Variants in XXYLT1 observed in about 807,000 individuals in gnomAD.
XXYLT1 encodes xyloside xylosyltransferase 1, also known as UDP-xylose:alpha-xyloside alpha-1,3-xylosyltransferase.
XXYLT1 carries 20 observed loss-of-function variants against 28.9 expected under a neutral mutation model. The ratio of observed to expected loss-of-function variants is 0.69; its 90% CI spans 0.49 to 1.00. The LOEUF (loss-of-function observed/expected upper bound fraction) is 1.00, where lower values mean the gene tolerates loss of function less well. Among genes scored for constraint, XXYLT1 ranks in the 50% least tolerant of loss-of-function variants. The pLI is 0.00. For synonymous variants in XXYLT1, 257 were observed against 253.8 expected, an observed-to-expected ratio of 1.01 and a Z score of -0.12; for missense variants, 542 against 560.1, an observed-to-expected ratio of 0.97 and a Z score of 0.33.
At chr3:195,147,865 G>C (rs1373744205) in intron 3 of XXYLT1, 1 of 152,272 alleles carries the variant, frequency 6.6e-6, no homozygotes, top group East Asian at 1.9e-4. Flanking sequence ...AGACACCTGT[G>C]TCAGGCACGA....
intron 1 of XXYLT1, among the ~76,000 whole-genome samples, chr3:195,266,814 G>A (rs1182176618): frequency 6.6e-6 from 1 of 152,160 alleles, no homozygotes; most frequent in Non-Finnish European, 1.5e-5. Context: ...CCACAGGCTG[G>A]GGTGGGGCCC....
At chr3:195,252,725 CACAGAGAGAG>C (rs1249755779) in intron 1 of XXYLT1, among the ~76,000 whole-genome samples, 1 of 129,040 alleles carries the variant, frequency 7.7e-6, no homozygotes, top group Non-Finnish European at 1.7e-5. Context: ...CACACACACA[CACAGAGAGAG>C]AGAGAGAGAG....
chr3:195,081,197 C>A (rs78818531), intron 3 of XXYLT1, among the ~76,000 whole-genome samples: 6,723 of 151,066 alleles, frequency 0.045, 224 homozygotes, highest in East Asian at 0.19. Context: ...ATCGCTAACG[C>A]TGCTGGTCCA....
rs774827660 is a variant in XXYLT1, at chr3:195,252,692, CCACACA to C, written c.504+17857_504+17862del. 3.8e-3 allele frequency among the ~76,000 whole-genome samples: 318 copies of C among 84,196 alleles called. 4 individuals carry two copies. The highest frequency in any genetic ancestry group is 6.9e-3 in the African/African-American group (154 of 22,194). The allele number at this position is 84,196 out of a possible 152,430, so 55.2% of individuals were successfully genotyped here. ...GAACAATTCAAAAGAAGAAAAAAAA[CCACACA>C]CACACACACACACACACACACACAC... is the stretch of plus-strand genomic sequence containing the variant. On this transcript the variant is annotated intron_variant, in intron 1 of 3. Coordinates refer to ENST00000310380, the MANE Select transcript of XXYLT1 (RefSeq NM_152531.5).
At chr3:195,270,507 G>C in intron 1 of XXYLT1, 48 bp downstream of exon 1, 1 of 1,359,004 alleles carries the variant, frequency 7.4e-7, no homozygotes, top group Non-Finnish European at 9.4e-7. Context: ...ACCTCGCCTA[G>C]GATGGGGTGG....
chr3:195,155,534 C>CTTT (rs59329078), intron 3 of XXYLT1, among the ~76,000 whole-genome samples: 26 of 145,716 alleles, frequency 1.8e-4, no homozygotes, highest in African/African-American at 3.8e-4. Context: ...TGTTCCTTTC[C>CTTT]TTTTTTTTTT....
chr3:195,142,287 AT>A (rs2108648565), intron 3 of XXYLT1, among the ~76,000 whole-genome samples: 1 of 152,264 alleles, frequency 6.6e-6, no homozygotes, highest in Non-Finnish European at 1.5e-5. Context: ...AATGGTAACT[AT>A]TTCTCATGAT....
chr3:195,245,681 C>T (rs150601632), intron 1 of XXYLT1, among the ~76,000 whole-genome samples: 302 of 152,222 alleles, frequency 2.0e-3, no homozygotes, highest in African/African-American at 7.1e-3. Context: ...CGGACTGGGG[C>T]CTGGTGGGAG....
intron 1 of XXYLT1, among the ~76,000 whole-genome samples, chr3:195,229,688 G>C (rs1173097463): frequency 6.6e-6 from 1 of 152,172 alleles, no homozygotes; most frequent in Non-Finnish European, 1.5e-5. Flanking sequence ...ACGATCTCCG[G>C]TTCCATCACT....
chr3:195,213,922 C>CA (rs1486959793), intron 2 of XXYLT1, among the ~76,000 whole-genome samples: 4 of 152,146 alleles, frequency 2.6e-5, no homozygotes, highest in Admixed American at 1.3e-4. Context: ...TGTTAGGAGT[C>CA]ACGAGGGGTT....
At position 195,173,404 on chromosome 3, in the gene XXYLT1, T is replaced by C. The variant is rs7653312; in HGVS notation, c.653-16823A>G. ...GCTCCTGGCCTCATTCTCCTTTGTG[T>C]TGTTACCTAGGAGGTGCTCGACACT... is the stretch of plus-strand genomic sequence containing the variant. On this transcript the variant is annotated intron_variant, in intron 2 of 3. Coordinates refer to ENST00000310380, the MANE Select transcript of XXYLT1 (RefSeq NM_152531.5). The surrounding 1 kb of genome is among the most constrained non-coding windows in gnomAD (Gnocchi z 4.3). 0.18 allele frequency among the ~76,000 whole-genome samples: 28,120 copies of C among 152,156 alleles called. 3,723 individuals carry two copies. Among genetic ancestry groups the C allele is most frequent in the African/African-American group, 0.36 (15,119 of 41,478 alleles).
chr3:195,149,672 C>G (rs547447088), intron 3 of XXYLT1, among the ~76,000 whole-genome samples: 1 of 152,210 alleles, frequency 6.6e-6, no homozygotes, highest in South Asian at 2.1e-4. Context: ...CTTTGATCCC[C>G]TGGTTTCCAA....
chr3:195,202,954 A>G (rs1722921394), intron 2 of XXYLT1, among the ~76,000 whole-genome samples: 1 of 152,112 alleles, frequency 6.6e-6, no homozygotes, highest in African/African-American at 2.4e-5. Context: ...AAGTCACAAG[A>G]TAGACCTGAC....
At position 195,250,519 on chromosome 3, in the gene XXYLT1, G is replaced by A. The variant is rs150145653; in HGVS notation, c.504+20036C>T. On this transcript the variant is annotated intron_variant, in intron 1 of 3. Transcript: ENST00000310380. ...GCAGAGGTTGCAGTCAGCAGAGATC[G>A]CGCCACTGCACTCCAGCCTGGGCGG... Among the ~76,000 whole-genome samples the A allele has an allele frequency of 6.0e-5, 9 of 150,100 alleles. No individual in the cohort carries two copies. The South Asian group carries it at 1.1e-3, about 18-fold the overall frequency.
rs899877077 is a variant in XXYLT1 at position 195,101,985 on chromosome 3, C to G, written c.786-31874G>C. Among the ~76,000 whole-genome samples the G allele has an allele frequency of 2.3e-3, 56 of 24,542 alleles. 1 individual carries two copies. The highest frequency in any genetic ancestry group is 2.8e-3 in the Non-Finnish European group (38 of 13,632). The allele number at this position is 24,542 out of a possible 152,430, so 16.1% of individuals were successfully genotyped here. A position where few individuals can be genotyped will look rare whatever the true frequency, so the allele number is the denominator to read the frequency against. On this transcript the variant is annotated intron_variant, in intron 3 of 3. Coordinates refer to ENST00000310380, the MANE Select transcript of XXYLT1 (RefSeq NM_152531.5). ...GGAGGGGACGGGGGAGGGAGGGATG[C>G]GGGGAGGGAGGACAGAAAGAAAGTA...
Position 195,228,724 on chromosome 3 carries a change from G to C in XXYLT1, c.505-1868C>G, listed in dbSNP as rs1577172675. Reference sequence around the variant, plus strand: ...AGGATGGTCTCGATCTCCTGACCTCGTGATGCGCCCGCCTCGGCCTCCCAA... The same window carrying C: ...AGGATGGTCTCGATCTCCTGACCTCCTGATGCGCCCGCCTCGGCCTCCCAA... On this transcript the variant is annotated intron_variant, in intron 1 of 3. Transcript: ENST00000310380. 2.0e-5 allele frequency among the ~76,000 whole-genome samples: 3 copies of C among 151,534 alleles called. No homozygotes were observed. The South Asian group carries it at 6.2e-4, about 32-fold the overall frequency.
intron 2 of XXYLT1, among the ~76,000 whole-genome samples, chr3:195,159,495 G>A (rs1720762169): frequency 6.6e-6 from 1 of 152,192 alleles, no homozygotes; most frequent in Non-Finnish European, 1.5e-5. Context: ...ATTGTGTAAT[G>A]GACCAAAGGG....
At chr3:195,230,934 A>T (rs1287093038) in intron 1 of XXYLT1, among the ~76,000 whole-genome samples, 2 of 151,962 alleles carry the variant, frequency 1.3e-5, no homozygotes, top group Non-Finnish European at 2.9e-5. Flanking sequence ...TGGTATTTTG[A>T]TTGGGATTGC....
intron 3 of XXYLT1, among the ~76,000 whole-genome samples, chr3:195,141,908 T>C (rs9877144): frequency 0.027 from 4,040 of 152,358 alleles, 185 homozygotes; most frequent in African/African-American, 0.091. Flanking sequence ...CCTGAGAGAA[T>C]TGTTCTCATT....
Sources: gnomAD v4.1 joint callset for allele counts (sites outside exome capture counted in the v4.1 genomes callset) on GRCh38, gnomAD v4.1.1 for gene constraint, Gnocchi (gnomAD v3.1) non-coding constraint, MANE v1.5 for transcripts, NCBI Gene and HGNC (gene_info 2026-07-23, HGNC 2026-07-21) for gene names.